The following PSMA1 variants were observed in gnomAD, a reference collection of about 807,000 sequenced individuals.
The protein encoded by PSMA1 is proteasome 20S subunit alpha 1.
Under a neutral mutation model 38.4 loss-of-function variants are expected in PSMA1, and 3 were observed. The ratio of observed to expected loss-of-function variants is 0.08; its 90% CI spans 0.04 to 0.20. The LOEUF is 0.20. Among genes scored for constraint, PSMA1 ranks in the 10% least tolerant of loss-of-function variants. The pLI, the probability that PSMA1 is intolerant of heterozygous loss-of-function variation, is 1.00. For synonymous variants in PSMA1, 101 were observed against 107.1 expected (o/e 0.94, Z 0.35); for missense variants, 227 against 325.3 (o/e 0.70, Z 2.32).
chr11:14,628,248 T>C (rs1324677571), intron 1 of PSMA1, among the ~76,000 whole-genome samples: 1 of 150,098 alleles, frequency 6.7e-6, no homozygotes, highest in Admixed American at 6.7e-5. Context: ...ACATGTGCCA[T>C]GCTGGTGCGC....
chr11:14,616,871 C>G (rs1439050168), intron 1 of PSMA1, among the ~76,000 whole-genome samples: 2 of 152,144 alleles, frequency 1.3e-5, no homozygotes, highest in African/African-American at 4.8e-5. Flanking sequence ...TGCACCTAAC[C>G]ACTACATTAT....
rs530018510 is a variant in PSMA1, at chr11:14,556,523, C to G, written c.22-37482G>C. Among the ~76,000 whole-genome samples the G allele has an allele frequency of 3.9e-5, 6 of 152,192 alleles. No individual in the cohort carries two copies. In the South Asian group the frequency reaches 1.2e-3, roughly 32 times the overall value. On this transcript the variant is annotated intron_variant, in intron 2 of 10. Coordinates refer to the PSMA1 transcript ENST00000418988. ...ATTCTGTATGAGGAATGAACGTCAA[C>G]ACAATAGGCCTTTTAAATCTGAAAA...
chr11:14,546,322 C>G (rs908722321), intron 2 of PSMA1, among the ~76,000 whole-genome samples: 12 of 152,036 alleles, frequency 7.9e-5, no homozygotes, highest in Non-Finnish European at 1.6e-4. Flanking sequence ...ACCCTGCCCC[C>G]CAACAACACC....
At chr11:14,510,628 T>C (rs1851328068) in intron 8 of PSMA1, among the ~76,000 whole-genome samples, 1 of 152,202 alleles carries the variant, frequency 6.6e-6, no homozygotes, top group African/African-American at 2.4e-5. Flanking sequence ...TACCAAGATA[T>C]GCCAATCTGC....
upstream of PSMA1, among the ~76,000 whole-genome samples, chr11:14,521,931 T>A (rs1049828698): frequency 2.0e-5 from 3 of 152,210 alleles, no homozygotes; most frequent in African/African-American, 7.2e-5. Context: ...AATTAACAGA[T>A]TAAATTAATA....
intron 2 of PSMA1, among the ~76,000 whole-genome samples, chr11:14,532,137 C>A (rs1851654181): frequency 6.6e-6 from 1 of 151,134 alleles, no homozygotes; most frequent in African/African-American, 2.4e-5. Context: ...AAATCCTCAT[C>A]TTTTTTTGAC....
chr11:14,521,379 C>T (rs966844289), upstream of PSMA1, among the ~76,000 whole-genome samples: 1 of 151,158 alleles, frequency 6.6e-6, no homozygotes, highest in Admixed American at 6.6e-5. Flanking sequence ...GTGGTCCCAG[C>T]CACTCGGGAA....
chr11:14,578,392 G>C (rs16930332), intron 2 of PSMA1, among the ~76,000 whole-genome samples: 20,001 of 152,066 alleles, frequency 0.13, 1,539 homozygotes, highest in African/African-American at 0.2. Context: ...ATTGTCAGTA[G>C]CTTGGCAGGG....
chr11:14,535,445 T>G (rs1437633764), intron 2 of PSMA1, among the ~76,000 whole-genome samples: 3 of 140,740 alleles, frequency 2.1e-5, no homozygotes, highest in African/African-American at 7.7e-5. Flanking sequence ...TCTTTCTTTC[T>G]TTTTTTTTTT....
intron 7 of PSMA1, among the ~76,000 whole-genome samples, chr11:14,511,733 T>C (rs1001552602): frequency 2.0e-5 from 3 of 152,210 alleles, no homozygotes; most frequent in African/African-American, 7.2e-5. Context: ...CCTTTTCCCT[T>C]AAGTTTAGGA....
chr11:14,553,966 A>G (rs927034322), intron 2 of PSMA1, among the ~76,000 whole-genome samples: 3 of 152,194 alleles, frequency 2.0e-5, no homozygotes, highest in African/African-American at 7.2e-5. Context: ...AGTTTTCTCC[A>G]CAGGCATTTA....
intron 8 of PSMA1, among the ~76,000 whole-genome samples, 153 bp downstream of exon 8, chr11:14,510,718 AT>A (rs1319716986): frequency 2.6e-5 from 4 of 152,236 alleles, no homozygotes; most frequent in African/African-American, 9.6e-5. Context: ...AAAAAATAAA[AT>A]TGGATTACTT....
chr11:14,569,496 G>A (rs1196711386), intron 2 of PSMA1, among the ~76,000 whole-genome samples: 5 of 152,134 alleles, frequency 3.3e-5, no homozygotes, highest in Admixed American at 6.5e-5. Flanking sequence ...CTGGAAAATC[G>A]GGGCACTCCC....
At chr11:14,592,552 A>T (rs896712035) in intron 2 of PSMA1, among the ~76,000 whole-genome samples, 12 of 151,902 alleles carry the variant, frequency 7.9e-5, no homozygotes, top group African/African-American at 9.6e-5. Context: ...CACCCTGCTA[A>T]TTTTTTGTAT....
intron 1 of PSMA1, among the ~76,000 whole-genome samples, chr11:14,635,869 T>A (rs1424092962): frequency 2.0e-5 from 3 of 152,238 alleles, no homozygotes; most frequent in African/African-American, 7.2e-5. Context: ...CACTGTCATA[T>A]TTTTTACTCT....
intron 2 of PSMA1, among the ~76,000 whole-genome samples, chr11:14,555,429 TAC>T (rs1444827597): frequency 6.6e-6 from 1 of 152,150 alleles, no homozygotes; most frequent in African/African-American, 2.4e-5. Flanking sequence ...AATAGAAACA[TAC>T]AAGAATTCTT....
At chr11:14,513,463 C>A (rs1440055131) in intron 7 of PSMA1, 107 bp downstream of exon 7, 6 of 1,152,092 alleles carry the variant, frequency 5.2e-6, no homozygotes, top group African/African-American at 3.5e-5. Context: ...TAAAAAAATT[C>A]TTTCTATAAG....
rs1324299401 is a variant in PSMA1 at position 14,514,413 on chromosome 11, T to C, written c.333A>G (p.Leu111=). 6.2e-7 allele frequency: 1 copy of C among 1,606,734 alleles called. No homozygotes were observed. Among genetic ancestry groups the C allele is most frequent in the Non-Finnish European group, 8.5e-7 (1 of 1,175,136 alleles). The change falls in exon 5 of 10, where the codon CTA becomes CTG. Residue 111 remains leucine (L), a synonymous_variant. Transcript: ENST00000396394. Reference sequence around the variant, plus strand: ...ACATAAAAAGGATACTGCTTCCAATTAGAGATACAAGACGAGACACAGGCA... The same window carrying C: ...ACATAAAAAGGATACTGCTTCCAATCAGAGATACAAGACGAGACACAGGCA... ...RPLPVSRLVS[L]IGSKTQIPTQ... is the part of the protein sequence containing the mutation.
intron 8 of PSMA1, 71 bp downstream of exon 8, chr11:14,510,801 T>TATATACG: frequency 9.4e-7 from 1 of 1,058,928 alleles, no homozygotes; most frequent in Non-Finnish European, 1.4e-6. Context: ...GCATATATAC[T>TATATACG]CCATTACATT....
Sources: allele counts gnomAD v4.1 joint callset (sites outside exome capture counted in the v4.1 genomes callset), GRCh38; gene constraint gnomAD v4.1.1; transcripts MANE v1.5; gene names NCBI Gene and HGNC (gene_info 2026-07-23, HGNC 2026-07-21).